The following MIER1 variants were observed in gnomAD, a reference collection of about 807,000 sequenced individuals.
MIER1 encodes mesoderm induction early response protein 1.
Under a neutral mutation model 75.7 loss-of-function variants are expected in MIER1, and 40 were observed. The observed-to-expected ratio is 0.53, with a 90% CI of 0.41 to 0.69. MIER1 has a LOEUF of 0.69. Ranked by LOEUF, MIER1 falls within the 30% of genes least tolerant of loss-of-function variation. MIER1 has a pLI of 0.00. For missense variants in MIER1, 574 were observed against 680.2 expected, an observed-to-expected ratio of 0.84 and a Z score of 1.74; for synonymous variants, 213 against 223.4, an observed-to-expected ratio of 0.95 and a Z score of 0.42.
intron 6 of MIER1, 139 bp from the exon 7 acceptor site, chr1:66,959,540 T>C: frequency 2.1e-6 from 1 of 465,220 alleles, no homozygotes; most frequent in Non-Finnish European, 3.9e-6. Flanking sequence ...GTGTTAATTA[T>C]TTGGTTAGAA....
At position 66,925,023 on chromosome 1, in the gene MIER1, A is replaced by C. The variant is rs749424771; in HGVS notation, c.-6A>C. On this transcript the variant is annotated 5_prime_UTR_variant, in exon 1 of 14. Coordinates refer to ENST00000401041, the MANE Select transcript of MIER1 (RefSeq NM_001077700.3). ...CCCAGGCTCTGAGTCTCCCGGCTGC[A>C]GGCGGATGGATGGGGCTTCTTCAGG... is the stretch of plus-strand genomic sequence containing the variant. The C allele has an allele frequency of 6.5e-7, 1 of 1,546,228 alleles. No individual in the cohort carries two copies. Among genetic ancestry groups the C allele is most frequent in the South Asian group, 1.2e-5 (1 of 84,512 alleles).
At chr1:66,954,775 C>T (rs1659748801) in intron 4 of MIER1, among the ~76,000 whole-genome samples, 1 of 151,746 alleles carries the variant, frequency 6.6e-6, no homozygotes, top group South Asian at 2.1e-4. Flanking sequence ...GGCATGATCT[C>T]AGCTCACTGC....
intron 10 of MIER1, among the ~76,000 whole-genome samples, chr1:66,972,449 C>G (rs1201303843): frequency 6.6e-6 from 1 of 151,706 alleles, no homozygotes; most frequent in African/African-American, 2.4e-5. Flanking sequence ...AGTAATGGGA[C>G]TTAACCTATT....
At position 66,958,133 on chromosome 1, in the gene MIER1, TGAGGAAGAGGAAGAA is replaced by T. The variant is rs2101691962; in HGVS notation, c.423_437del (p.Glu143_Glu147del). On this transcript the variant is annotated inframe_deletion, in exon 5 of 14. Coordinates refer to ENST00000401041, the MANE Select transcript of MIER1 (RefSeq NM_001077700.3). ...GTACTGTTCGACTACCTGAAGAAGA[TGAGGAAGAGGAAGAA>T]GAGGAAGAAGAAGGTGAAGATGATG... The T allele has an allele frequency of 6.2e-7, 1 of 1,609,384 alleles. No homozygotes were observed. Among genetic ancestry groups the T allele is most frequent in the African/African-American group, 1.3e-5 (1 of 74,900 alleles).
intron 11 of MIER1, 59 bp downstream of exon 11, chr1:66,973,050 C>G: frequency 1.1e-6 from 1 of 872,448 alleles, no homozygotes; most frequent in Non-Finnish European, 1.9e-6. Context: ...CTCAAATGGT[C>G]ATGTATCGTA....
intron 8 of MIER1, among the ~76,000 whole-genome samples, chr1:66,969,381 A>G (rs181342473): frequency 5.3e-4 from 80 of 151,688 alleles, no homozygotes; most frequent in Admixed American, 2.4e-3. Context: ...TCTGTCTACT[A>G]AAAAATACAA....
At chr1:66,968,933 C>T (rs1662982855) in intron 8 of MIER1, among the ~76,000 whole-genome samples, 1 of 152,108 alleles carries the variant, frequency 6.6e-6, no homozygotes, top group Non-Finnish European at 1.5e-5. Context: ...TTAGGGTTTC[C>T]TTATATGGCC....
intron 2 of MIER1, chr1:66,930,446 C>T (rs757902555): frequency 1.3e-6 from 2 of 1,596,512 alleles, no homozygotes; most frequent in Admixed American, 3.4e-5. Flanking sequence ...CGGGCGCCCC[C>T]GGCCCTGGGC....
At position 66,970,883 on chromosome 1, in the gene MIER1, A is replaced by G; in HGVS notation, c.848A>G (p.Asp283Gly). The change falls in exon 9 of 14, where the codon GAT (aspartate) becomes GGT (glycine). Residue 283 changes from aspartate to glycine, a missense_variant. Coordinates refer to ENST00000401041, the MANE Select transcript of MIER1 (RefSeq NM_001077700.3). ...GATAAAGTGATTATATTTCTTAAAG[A>G]TGCATCTAGAAGAACAGGTGATGAG... ...PEDKVIIFLK[D>G]ASRRTGDEKG... 6.2e-7 allele frequency: 1 copy of G among 1,600,244 alleles called. No individual in the cohort carries two copies. The highest frequency in any genetic ancestry group is 8.5e-7 in the Non-Finnish European group (1 of 1,175,510).
intron 12 of MIER1, among the ~76,000 whole-genome samples, chr1:66,979,834 G>A (rs978324908): frequency 2.0e-5 from 3 of 151,096 alleles, no homozygotes; most frequent in Non-Finnish European, 4.4e-5. Flanking sequence ...GCGCAATCTC[G>A]GCTCACTGCA....
At chr1:66,937,631 G>A (rs888314729) in intron 2 of MIER1, among the ~76,000 whole-genome samples, 1 of 152,082 alleles carries the variant, frequency 6.6e-6, no homozygotes, top group Non-Finnish European at 1.5e-5. Context: ...ATGAATGTAA[G>A]CTGGATGTAC....
In MIER1 at chr1:66,925,011, T is replaced by C. The variant is rs1186488119; in HGVS notation, c.-18T>C. 1 of 1,545,130 alleles carries C rather than the reference T, an allele frequency of 6.5e-7. No individual in the cohort carries two copies. Among genetic ancestry groups the C allele is most frequent in the Non-Finnish European group, 8.7e-7 (1 of 1,145,066 alleles). Reference sequence around the variant, plus strand: ...CCTCAGGCCCCTCCCAGGCTCTGAGTCTCCCGGCTGCAGGCGGATGGATGG... The same window carrying C: ...CCTCAGGCCCCTCCCAGGCTCTGAGCCTCCCGGCTGCAGGCGGATGGATGG... On this transcript the variant is annotated 5_prime_UTR_variant, in exon 1 of 14. Coordinates refer to ENST00000401041, the MANE Select transcript of MIER1 (RefSeq NM_001077700.3).
intron 2 of MIER1, among the ~76,000 whole-genome samples, chr1:66,938,826 A>G (rs140295638): frequency 2.0e-5 from 3 of 152,294 alleles, no homozygotes; most frequent in African/African-American, 7.2e-5. Context: ...TAAGAATTTA[A>G]CAGAAAAAGT....
At chr1:66,943,302 C>A (rs1428815063) in intron 3 of MIER1, among the ~76,000 whole-genome samples, 2 of 152,110 alleles carry the variant, frequency 1.3e-5, no homozygotes, top group Non-Finnish European at 2.9e-5. Context: ...TTGCCTCAAG[C>A]AGTACTAAGA....
intron 2 of MIER1, among the ~76,000 whole-genome samples, chr1:66,937,081 G>A (rs961202475): frequency 1.2e-4 from 18 of 151,040 alleles, no homozygotes; most frequent in Non-Finnish European, 2.4e-4. Flanking sequence ...AATTTTAGCA[G>A]TTATTTCTCT....
chr1:66,976,842 G>A (rs1664816047), intron 12 of MIER1, 120 bp downstream of exon 12: 2 of 792,650 alleles, frequency 2.5e-6, no homozygotes, highest in African/African-American at 1.8e-5. Flanking sequence ...TAACCAGAAG[G>A]CCGAGAGTGA....
At chr1:66,925,146 T>C in intron 1 of MIER1, 51 bp downstream of exon 1, 1 of 1,538,188 alleles carries the variant, frequency 6.5e-7, no homozygotes, top group Non-Finnish European at 8.7e-7. Context: ...CAGTTTGGGA[T>C]GAGGGGCTCC....
At chr1:66,956,699 C>G (rs1421766701) in intron 4 of MIER1, among the ~76,000 whole-genome samples, 1 of 152,180 alleles carries the variant, frequency 6.6e-6, no homozygotes, top group Non-Finnish European at 1.5e-5. Flanking sequence ...GTTGTAGCTT[C>G]TGCAAATCAT....
At chr1:66,928,695 G>A (rs1018792043) in intron 2 of MIER1, among the ~76,000 whole-genome samples, 1 of 152,092 alleles carries the variant, frequency 6.6e-6, no homozygotes, top group African/African-American at 2.4e-5. Flanking sequence ...TAATTCAACA[G>A]GGTAACTATT....
Sources: allele counts gnomAD v4.1 joint callset (sites outside exome capture counted in the v4.1 genomes callset), GRCh38; gene constraint gnomAD v4.1.1; transcripts MANE v1.5; gene names NCBI Gene and HGNC (gene_info 2026-07-23, HGNC 2026-07-21).